The following ADK variants were observed in gnomAD, a reference collection of about 807,000 sequenced individuals.
ADK encodes N6,N6-dimethyladenosine kinase.
Under a neutral mutation model 44.7 loss-of-function variants are expected in ADK, and 24 were observed. The ratio of observed to expected loss-of-function variants is 0.54; its 90% CI spans 0.39 to 0.76. The LOEUF is 0.76. Ranked by LOEUF, ADK falls within the 30% of genes least tolerant of loss-of-function variation. The pLI is 0.00. For missense variants in ADK, 321 were observed against 425.1 expected (o/e 0.76, Z 2.15); for synonymous variants, 128 against 142.6 (o/e 0.90, Z 0.73).
chr10:74,565,100 G>GA (rs922856003), intron 7 of ADK, among the ~76,000 whole-genome samples: 2 of 151,898 alleles, frequency 1.3e-5, no homozygotes, highest in African/African-American at 2.4e-5. Flanking sequence ...GTAACATGGA[G>GA]AAAAAAGGGA....
intron 8 of ADK, among the ~76,000 whole-genome samples, chr10:74,597,045 T>C (rs1174413846): frequency 6.6e-6 from 1 of 152,220 alleles, no homozygotes; most frequent in African/African-American, 2.4e-5. Flanking sequence ...TCGTTATAGA[T>C]ACTATAATTG....
rs549744580 is a variant in ADK, at chr10:74,661,568, G to A, written c.878-8615G>A. ...TGATGTATCAAATCCAAACTTTTGC[G>A]TGGCTTTCAAAGTCTCCCTAGAAAT... On this transcript the variant is annotated intron_variant, in intron 9 of 10. Coordinates refer to ENST00000539909, the MANE Select transcript of ADK (RefSeq NM_006721.4). 7.2e-5 allele frequency among the ~76,000 whole-genome samples: 11 copies of A among 152,228 alleles called. 2 individuals carry two copies. Among genetic ancestry groups the A allele is most frequent in the African/African-American group, 2.4e-4 (10 of 41,536 alleles).
chr10:74,610,849 A>AGTAAATATATATATGTAT (rs1217963721), intron 9 of ADK, among the ~76,000 whole-genome samples: 1 of 152,126 alleles, frequency 6.6e-6, no homozygotes, highest in African/African-American at 2.4e-5. Flanking sequence ...GTAGTAAAAA[A>AGTAAATATATATATGTAT]GTAAATATAT....
chr10:74,343,985 A>G (rs1841674090), intron 4 of ADK, among the ~76,000 whole-genome samples: 2 of 152,196 alleles, frequency 1.3e-5, no homozygotes, highest in African/African-American at 4.8e-5. Context: ...GCATTGAATT[A>G]ATTGATTTTT....
chr10:74,247,602 T>A (rs1845472397), intron 3 of ADK, among the ~76,000 whole-genome samples: 2 of 152,288 alleles, frequency 1.3e-5, no homozygotes, highest in African/African-American at 4.8e-5. Context: ...CTTTAACAGT[T>A]TCTTCATTTG....
At chr10:74,621,869 T>C (rs1465683019) in intron 9 of ADK, among the ~76,000 whole-genome samples, 3 of 152,220 alleles carry the variant, frequency 2.0e-5, no homozygotes, top group Non-Finnish European at 2.9e-5. Flanking sequence ...AGTCTACCTC[T>C]CATTTGCTTC....
intron 6 of ADK, among the ~76,000 whole-genome samples, chr10:74,455,477 T>C (rs1310056995): frequency 1.3e-5 from 2 of 152,046 alleles, no homozygotes; most frequent in African/African-American, 4.8e-5. Flanking sequence ...CTTATGAAGC[T>C]TAGTTTGGCT....
chr10:74,200,157 T>C (rs1203524013), intron 1 of ADK, among the ~76,000 whole-genome samples: 1 of 84,632 alleles, frequency 1.2e-5, no homozygotes, highest in African/African-American at 7.5e-5. Flanking sequence ...ACACCATCTG[T>C]TTTTTTTTTT....
chr10:74,358,189 A>G (rs1842208147), intron 4 of ADK, among the ~76,000 whole-genome samples: 1 of 152,232 alleles, frequency 6.6e-6, no homozygotes, highest in African/African-American at 2.4e-5. Context: ...TATACTCGTT[A>G]TGAAATTACC....
At chr10:74,270,465 A>G (rs1846386308) in intron 3 of ADK, among the ~76,000 whole-genome samples, 1 of 152,174 alleles carries the variant, frequency 6.6e-6, no homozygotes, top group African/African-American at 2.4e-5. Context: ...ATCTGTTGTA[A>G]TATATTGAAC....
intron 1 of ADK, among the ~76,000 whole-genome samples, chr10:74,160,743 G>C (rs748842726): frequency 3.6e-4 from 53 of 149,076 alleles, no homozygotes; most frequent in Non-Finnish European, 5.9e-4. Context: ...GTAGTACTAG[G>C]TATATGGGGA....
chr10:74,249,037 C>G (rs1378604720), intron 3 of ADK, among the ~76,000 whole-genome samples: 1 of 152,132 alleles, frequency 6.6e-6, no homozygotes, highest in Non-Finnish European at 1.5e-5. Flanking sequence ...TTGCCACTAT[C>G]TATTTTTCAT....
intron 6 of ADK, among the ~76,000 whole-genome samples, chr10:74,501,416 G>A (rs1343921732): frequency 6.6e-6 from 1 of 152,052 alleles, no homozygotes; most frequent in Non-Finnish European, 1.5e-5. Flanking sequence ...TCAATTATTA[G>A]TTTCATGAAT....
intron 6 of ADK, among the ~76,000 whole-genome samples, chr10:74,523,190 T>C (rs1278534440): frequency 2.6e-5 from 4 of 152,232 alleles, no homozygotes; most frequent in African/African-American, 4.8e-5. Flanking sequence ...AGTTGCTGTA[T>C]AGTATAGTGC....
chr10:74,406,358 C>A (rs1398124351), intron 6 of ADK, among the ~76,000 whole-genome samples: 1 of 151,988 alleles, frequency 6.6e-6, no homozygotes, highest in Non-Finnish European at 1.5e-5. Flanking sequence ...ATGTTTATCA[C>A]TGATTTTAAA....
At chr10:74,498,980 T>C (rs991433931) in intron 6 of ADK, among the ~76,000 whole-genome samples, 12 of 152,224 alleles carry the variant, frequency 7.9e-5, no homozygotes, top group African/African-American at 2.7e-4. Context: ...CATTTTATGC[T>C]TGGACTATCA....
At chr10:74,694,465 GGGGGTTTT>G (rs1156866158) in intron 10 of ADK, among the ~76,000 whole-genome samples, 2 of 151,922 alleles carry the variant, frequency 1.3e-5, no homozygotes, top group African/African-American at 4.8e-5. Flanking sequence ...CAGAAGGTTT[GGGGGTTTT>G]GGGGTTTTTT....
chr10:74,332,974 T>C (rs1389213194), intron 4 of ADK, among the ~76,000 whole-genome samples: 1 of 152,192 alleles, frequency 6.6e-6, no homozygotes, highest in African/African-American at 2.4e-5. Flanking sequence ...TGGCATGGAC[T>C]TACTACTGTT....
At chr10:74,402,606 G>A (rs1158299919) in intron 6 of ADK, among the ~76,000 whole-genome samples, 3 of 151,976 alleles carry the variant, frequency 2.0e-5, no homozygotes, top group African/African-American at 7.3e-5. Flanking sequence ...GGTCATTTAA[G>A]GTCTTATCCA....
Sources: gnomAD v4.1 joint callset for allele counts (sites outside exome capture counted in the v4.1 genomes callset) on GRCh38, gnomAD v4.1.1 for gene constraint, MANE v1.5 for transcripts, NCBI Gene and HGNC (gene_info 2026-07-23, HGNC 2026-07-21) for gene names.